The following MAML2 variants were observed in gnomAD, a reference collection of about 807,000 sequenced individuals.
MAML2 encodes the protein mastermind like transcriptional coactivator 2, also known as mastermind-like protein 2.
A neutral mutation model predicts 96.1 loss-of-function variants in MAML2; 22 were observed. The observed-to-expected ratio is 0.23, with a 90% CI of 0.16 to 0.33. MAML2 has a LOEUF of 0.33. Among genes scored for constraint, MAML2 ranks in the 10% least tolerant of loss-of-function variants. The probability of loss-of-function intolerance (pLI) is 1.00; values close to 1 mark genes in which losing one functional copy is unlikely to be tolerated. For synonymous variants in MAML2, 561 were observed against 521.3 expected, an observed-to-expected ratio of 1.08 and a Z score of -1.04; for missense variants, 1,367 against 1,392.4, an observed-to-expected ratio of 0.98 and a Z score of 0.29.
chr11:96,245,584 T>C (rs181093416), intron 1 of MAML2, among the ~76,000 whole-genome samples: 33 of 152,192 alleles, frequency 2.2e-4, no homozygotes, highest in African/African-American at 7.7e-4. Context: ...TATCTTCACG[T>C]TGAGGTTTCA....
intron 1 of MAML2, among the ~76,000 whole-genome samples, chr11:96,174,831 C>T (rs1387210986): frequency 6.6e-6 from 1 of 152,240 alleles, no homozygotes; most frequent in Admixed American, 6.5e-5. Flanking sequence ...CTTGTGGCAC[C>T]TATGATCATT....
intron 1 of MAML2, among the ~76,000 whole-genome samples, chr11:96,312,608 G>A (rs1863558598): frequency 6.6e-6 from 1 of 152,184 alleles, no homozygotes; most frequent in African/African-American, 2.4e-5. Flanking sequence ...TTCCCTCTAG[G>A]AAGTATGAGG....
At chr11:96,018,065 C>T (rs1019542021) in intron 2 of MAML2, among the ~76,000 whole-genome samples, 3 of 152,106 alleles carry the variant, frequency 2.0e-5, no homozygotes, top group Admixed American at 2.0e-4. Flanking sequence ...GGGGCTTGGG[C>T]CAGAGTGGTA....
intron 2 of MAML2, among the ~76,000 whole-genome samples, chr11:95,993,441 C>T (rs973928769): frequency 6.6e-6 from 1 of 152,058 alleles, no homozygotes; most frequent in Admixed American, 6.6e-5. Flanking sequence ...GTGGCACATG[C>T]CTGTAATCCC....
At chr11:96,160,438 T>G (rs1044472420) in intron 1 of MAML2, among the ~76,000 whole-genome samples, 1 of 151,836 alleles carries the variant, frequency 6.6e-6, no homozygotes, top group Non-Finnish European at 1.5e-5. Context: ...TTTTTTTTTT[T>G]TTTTTTGGAG....
chr11:96,031,627 C>G (rs931492399), intron 2 of MAML2, among the ~76,000 whole-genome samples: 1 of 152,106 alleles, frequency 6.6e-6, no homozygotes, highest in South Asian at 2.1e-4. Context: ...GCCCCCAGTG[C>G]GTAGCATGCT....
chr11:96,306,570 A>T (rs2136001640), intron 1 of MAML2, among the ~76,000 whole-genome samples: 1 of 152,354 alleles, frequency 6.6e-6, no homozygotes, highest in East Asian at 1.9e-4. Context: ...ACGACTGAAC[A>T]TCTAGACTGG....
intron 1 of MAML2, among the ~76,000 whole-genome samples, chr11:96,225,559 T>C (rs1862198777): frequency 6.6e-6 from 1 of 152,166 alleles, no homozygotes; most frequent in Non-Finnish European, 1.5e-5. Context: ...TGGCCAGGCA[T>C]GGTGGTTCAC....
At chr11:96,229,106 A>C (rs1261380970) in intron 1 of MAML2, among the ~76,000 whole-genome samples, 1 of 152,182 alleles carries the variant, frequency 6.6e-6, no homozygotes, top group African/African-American at 2.4e-5. Context: ...AGAAAAATGC[A>C]ACAAAGCCTT....
At chr11:96,027,882 T>C (rs999286389) in intron 2 of MAML2, among the ~76,000 whole-genome samples, 7 of 152,000 alleles carry the variant, frequency 4.6e-5, no homozygotes, top group Non-Finnish European at 1.0e-4. Flanking sequence ...CAGGTATGTG[T>C]TACTGTGCCC....
At chr11:96,081,297 ATTATGAATATGAATATTTATAATATT>A (rs1859525858) in intron 2 of MAML2, among the ~76,000 whole-genome samples, 3 of 152,228 alleles carry the variant, frequency 2.0e-5, no homozygotes, top group Non-Finnish European at 4.4e-5. Flanking sequence ...CATAATATTC[ATTATGAATATGAATATTTATAATATT>A]CATATAAGAT....
chr11:96,330,056 G>T (rs998764559), intron 1 of MAML2, among the ~76,000 whole-genome samples: 1 of 152,164 alleles, frequency 6.6e-6, no homozygotes, highest in Non-Finnish European at 1.5e-5. Context: ...TATTTTAAGG[G>T]TAGACTACTG....
chr11:96,187,997 C>T (rs1456702871), intron 1 of MAML2, among the ~76,000 whole-genome samples: 1 of 152,098 alleles, frequency 6.6e-6, no homozygotes, highest in African/African-American at 2.4e-5. Context: ...GTATCTTTGG[C>T]CTATGGTTAA....
rs535998964 is a variant in MAML2 at position 96,070,156 on chromosome 11, G to T, written c.2139+21736C>A. ...AATACAAAAAATTAGCCGGCGTGGTGGCGGGCGCCTGTAGTCCCAGCTACT... is the reference window on the plus strand; with the variant it reads ...AATACAAAAAATTAGCCGGCGTGGTTGCGGGCGCCTGTAGTCCCAGCTACT... On this transcript the variant is annotated intron_variant, in intron 2 of 4. Transcript: ENST00000524717. Among the ~76,000 whole-genome samples the T allele has an allele frequency of 1.1e-4, 16 of 152,174 alleles. No homozygotes were observed. In the South Asian group the frequency reaches 3.3e-3, roughly 32 times the overall value.
chr11:96,080,425 G>T (rs1001057514), intron 2 of MAML2, among the ~76,000 whole-genome samples: 1 of 152,138 alleles, frequency 6.6e-6, no homozygotes, highest in Non-Finnish European at 1.5e-5. Context: ...CTATATTTAC[G>T]TGTTACTTTG....
intron 2 of MAML2, among the ~76,000 whole-genome samples, chr11:96,061,902 A>C (rs1859166124): frequency 6.6e-6 from 1 of 152,140 alleles, no homozygotes; most frequent in African/African-American, 2.4e-5. Flanking sequence ...AGTAAGGTGA[A>C]TCAGATGTTT....
In MAML2 at chr11:96,215,071, T is replaced by C. The variant is rs149399878; in HGVS notation, c.514-121554A>G. Among the ~76,000 whole-genome samples the C allele has an allele frequency of 3.5e-3, 539 of 152,368 alleles. 5 individuals carry two copies. The highest frequency in any genetic ancestry group is 0.012 in the African/African-American group (495 of 41,584). ...TAAGAGATGTCTGTGTGTCCATTTC[T>C]TGCACTAGGAATATGGGAAAGCTGC... On this transcript the variant is annotated intron_variant, in intron 1 of 4. Coordinates refer to ENST00000524717, the MANE Select transcript of MAML2 (RefSeq NM_032427.4).
rs77974498 is a variant in MAML2, at chr11:96,223,716, C to T, written c.513+117667G>A. ...AGGTATTTTTTTCGGATCCTCTCTCCGCTCCCACCCGCCATACCCAGGTAG... is the reference window on the plus strand; with the variant it reads ...AGGTATTTTTTTCGGATCCTCTCTCTGCTCCCACCCGCCATACCCAGGTAG... On this transcript the variant is annotated intron_variant, in intron 1 of 4. Coordinates refer to ENST00000524717, the MANE Select transcript of MAML2 (RefSeq NM_032427.4). Among the ~76,000 whole-genome samples the T allele has an allele frequency of 3.7e-4, 57 of 152,064 alleles. 1 individual carries two copies. In the East Asian group the frequency reaches 0.01, roughly 28 times the overall value.
intron 1 of MAML2, among the ~76,000 whole-genome samples, chr11:96,233,883 A>G (rs1276270487): frequency 6.6e-6 from 1 of 152,230 alleles, no homozygotes; most frequent in Non-Finnish European, 1.5e-5. Flanking sequence ...ATGAAACAGA[A>G]GAAGCGAAGA....
Sources: gnomAD v4.1 joint callset for allele counts (sites outside exome capture counted in the v4.1 genomes callset) on GRCh38, gnomAD v4.1.1 for gene constraint, MANE v1.5 for transcripts, NCBI Gene and HGNC (gene_info 2026-07-23, HGNC 2026-07-21) for gene names.